OR3A2: variants seen among roughly 807,000 people sequenced by gnomAD.
OR3A2 encodes olfactory receptor 3A2.
For synonymous variants in OR3A2, 126 were observed against 159.3 expected, an observed-to-expected ratio of 0.79 and a Z score of 1.57; for missense variants, 318 against 392.8, an observed-to-expected ratio of 0.81 and a Z score of 1.61.
chr17:3,351,005 A>G (rs1462820919), intron 2 of OR3A2, among the ~76,000 whole-genome samples: 1 of 152,048 alleles, frequency 6.6e-6, no homozygotes, highest in Admixed American at 6.6e-5. Context: ...AAAAACTCTC[A>G]ATAAATTAGG....
intron 2 of OR3A2, among the ~76,000 whole-genome samples, chr17:3,338,292 T>C (rs927474576): frequency 6.6e-6 from 1 of 152,122 alleles, no homozygotes; most frequent in Admixed American, 6.6e-5. Flanking sequence ...CCCATTTGTC[T>C]ATTTTGGCTT....
intron 1 of OR3A2, among the ~76,000 whole-genome samples, chr17:3,282,115 T>C (rs2048780174): frequency 6.6e-6 from 1 of 152,130 alleles, no homozygotes; most frequent in Admixed American, 6.5e-5. Context: ...CACCTACGCT[T>C]AGAATCAAGG....
chr17:3,329,141 A>G (rs2049205678), intron 3 of OR3A2, among the ~76,000 whole-genome samples: 1 of 151,874 alleles, frequency 6.6e-6, no homozygotes, highest in Non-Finnish European at 1.5e-5. Context: ...TTTTGCATCA[A>G]TGTTCATCAA....
At chr17:3,292,238 G>C (rs776809041) in intron 3 of OR3A2, 1 of 1,614,166 alleles carries the variant, frequency 6.2e-7, no homozygotes, top group Non-Finnish European at 8.5e-7. Flanking sequence ...TCAGCAGGAA[G>C]CAGTCCACTC....
At chr17:3,337,771 G>A (rs1189427567) in intron 2 of OR3A2, among the ~76,000 whole-genome samples, 1 of 152,116 alleles carries the variant, frequency 6.6e-6, no homozygotes, top group Admixed American at 6.5e-5. Flanking sequence ...ATGATTTATA[G>A]TCCTTGGGGT....
chr17:3,336,982 C>A (rs907024578), intron 2 of OR3A2, among the ~76,000 whole-genome samples: 2 of 152,138 alleles, frequency 1.3e-5, no homozygotes, highest in Admixed American at 1.3e-4. Flanking sequence ...ACACAGAAAA[C>A]AAAAGATTCA....
At chr17:3,375,236 T>TC (rs2049672742) in intron 2 of OR3A2, among the ~76,000 whole-genome samples, 1 of 72,464 alleles carries the variant, frequency 1.4e-5, no homozygotes, top group African/African-American at 8.9e-5. Flanking sequence ...TTTTCTTTTT[T>TC]TTTTTTTTTC....
In OR3A2 at chr17:3,302,198, C is replaced by T. The variant is rs537590827; in HGVS notation, c.-84-23045G>A. ...GTAATTTATAGATTCAATGCCATCC[C>T]CATCAAGCTACCAATGACTTTCTTC... is the stretch of plus-strand genomic sequence containing the variant. On this transcript the variant is annotated intron_variant, in intron 3 of 4. Transcript: ENST00000573491. 2.8e-3 allele frequency among the ~76,000 whole-genome samples: 421 copies of T among 152,236 alleles called. 3 individuals carry two copies. Among genetic ancestry groups the T allele is most frequent in the Admixed American group, 5.8e-3 (88 of 15,284 alleles).
rs747975367 is a variant in OR3A2, at chr17:3,311,122, C to T, written c.-85+24911G>A. 2.6e-5 allele frequency: 14 copies of T among 541,404 alleles called. No homozygotes were observed. Among genetic ancestry groups the T allele is most frequent in the Admixed American group, 5.8e-5 (3 of 51,884 alleles). The allele number at this position is 541,404 out of a possible 1,614,324, so 33.5% of individuals were successfully genotyped here. A position where few individuals can be genotyped will look rare whatever the true frequency, so the allele number is the denominator to read the frequency against. The stretch of plus-strand genomic sequence containing the variant: ...ACAAGGCTGGGTTCAGTGGAGTCTT[C>T]GGACAAGGACAAGGGCATTGGCATC... On this transcript the variant is annotated intron_variant, in intron 3 of 4. Coordinates refer to the OR3A2 transcript ENST00000573491. This position sits in a 1 kb window ranked among gnomAD's most constrained non-coding sequence, Gnocchi z 4.6.
rs142835896 is a variant in OR3A2 at position 3,358,604 on chromosome 17, T to A, written c.-178-22478A>T. ...GCATGGTTTTGAGTGATTTTAATAA[T>A]CTTGACTTCTATTTTTATTGTGCTG... On this transcript the variant is annotated intron_variant, in intron 2 of 4. Coordinates refer to the OR3A2 transcript ENST00000573491. Among the ~76,000 whole-genome samples the A allele has an allele frequency of 5.2e-3, 797 of 151,902 alleles. 33 individuals are homozygous for A. The highest frequency in any genetic ancestry group is 0.018 in the African/African-American group (759 of 41,180).
intron 2 of OR3A2, among the ~76,000 whole-genome samples, chr17:3,346,039 C>T (rs943493008): frequency 1.3e-5 from 2 of 152,074 alleles, no homozygotes; most frequent in African/African-American, 2.4e-5. Context: ...TTGTACTAAA[C>T]CTTCCTCTGG....
chr17:3,316,986 A>G (rs2049086446), intron 3 of OR3A2, among the ~76,000 whole-genome samples: 1 of 152,146 alleles, frequency 6.6e-6, no homozygotes. Flanking sequence ...GGCTTTTTTC[A>G]CTCACCTACT....
chr17:3,326,575 T>C (rs1004129800), intron 3 of OR3A2, among the ~76,000 whole-genome samples: 1 of 151,788 alleles, frequency 6.6e-6, no homozygotes, highest in Non-Finnish European at 1.5e-5. Context: ...TATTATACTT[T>C]AAGTTTTAGG....
At chr17:3,369,786 G>A (rs1349366560) in intron 2 of OR3A2, among the ~76,000 whole-genome samples, 2 of 143,438 alleles carry the variant, frequency 1.4e-5, no homozygotes, top group African/African-American at 5.2e-5. Flanking sequence ...CTTTTTGAAT[G>A]GTTTCCGTTA....
chr17:3,382,199 T>C (rs1336768954), intron 2 of OR3A2, among the ~76,000 whole-genome samples: 1 of 152,184 alleles, frequency 6.6e-6, no homozygotes, highest in Non-Finnish European at 1.5e-5. Context: ...TGGAAAGCTC[T>C]GGATGTGTGG....
chr17:3,277,247 T>C (rs1245721358), exon 2 of OR3A2: 3 of 152,148 alleles, frequency 2.0e-5, no homozygotes, highest in Non-Finnish European at 2.9e-5. Context: ...CAGGATTCTT[T>C]TGTGGTAGCG....
In OR3A2 at chr17:3,375,465, G is replaced by T. The variant is rs534588472; in HGVS notation, c.-179+8339C>A. 1.6e-3 allele frequency among the ~76,000 whole-genome samples: 248 copies of T among 151,498 alleles called. 1 individual carries two copies. The highest frequency in any genetic ancestry group is 5.4e-3 in the African/African-American group (224 of 41,294). ...CTACAGGCATATGCCACCATGTCTGGCTCATTTTGTATTTTTAGTAGAGAT... is the reference window on the plus strand; with the variant it reads ...CTACAGGCATATGCCACCATGTCTGTCTCATTTTGTATTTTTAGTAGAGAT... On this transcript the variant is annotated intron_variant, in intron 2 of 4. Transcript: ENST00000573491.
intron 3 of OR3A2, among the ~76,000 whole-genome samples, chr17:3,296,074 C>T (rs9652830): frequency 6.6e-6 from 1 of 151,948 alleles, no homozygotes; most frequent in East Asian, 1.9e-4. Context: ...CCTTAAAGTG[C>T]CCATGAAACA....
At chr17:3,319,103 T>C (rs1385485034) in intron 3 of OR3A2, among the ~76,000 whole-genome samples, 1 of 152,188 alleles carries the variant, frequency 6.6e-6, no homozygotes, top group Non-Finnish European at 1.5e-5. Flanking sequence ...AAGTAGTCCA[T>C]AGCCTTTACT....
Sources: allele counts gnomAD v4.1 joint callset (sites outside exome capture counted in the v4.1 genomes callset), GRCh38; gene constraint gnomAD v4.1.1; non-coding constraint Gnocchi (gnomAD v3.1); transcripts MANE v1.5; gene names NCBI Gene and HGNC (gene_info 2026-07-23, HGNC 2026-07-21).